Variants in KLHL1 observed in about 807,000 individuals in gnomAD.
KLHL1 encodes kelch like family member 1.
KLHL1 carries 47 observed loss-of-function variants against 77.7 expected under a neutral mutation model. The ratio of observed to expected loss-of-function variants is 0.60; its 90% CI spans 0.48 to 0.77. The LOEUF (loss-of-function observed/expected upper bound fraction) is 0.77, where lower values mean the gene tolerates loss of function less well. Ranked by LOEUF, KLHL1 falls within the 30% of genes least tolerant of loss-of-function variation. The pLI, the probability that KLHL1 is intolerant of heterozygous loss-of-function variation, is 0.00. For missense variants in KLHL1, 925 were observed against 910.8 expected, an observed-to-expected ratio of 1.02 and a Z score of -0.20; for synonymous variants, 360 against 325.2, an observed-to-expected ratio of 1.11 and a Z score of -1.15.
chr13:69,700,816 A>T lies in KLHL1; in HGVS notation c.*886T>A, dbSNP rs1212439559. The T allele has an allele frequency of 1.3e-5, 2 of 152,332 alleles. No homozygotes were observed. The highest frequency in any genetic ancestry group is 1.5e-5 in the Non-Finnish European group (1 of 67,854). The allele number at this position is 152,332 out of a possible 1,614,324, so 9.4% of individuals were successfully genotyped here. Reference sequence around the variant, plus strand: ...TAAACACTCCAACTTAATGGATCATATGTTTTTCTTTTGAAATTCTAAGTT... The same window carrying T: ...TAAACACTCCAACTTAATGGATCATTTGTTTTTCTTTTGAAATTCTAAGTT... On this transcript the variant is annotated 3_prime_UTR_variant, in exon 11 of 11. Transcript: ENST00000377844.
At chr13:69,703,664 G>T (rs1875500333) in intron 10 of KLHL1, among the ~76,000 whole-genome samples, 3 of 151,404 alleles carry the variant, frequency 2.0e-5, no homozygotes, top group Non-Finnish European at 4.4e-5. Flanking sequence ...AAATAAAAGA[G>T]GTGTGTACCA....
At chr13:69,788,431 T>C (rs1157948076) in intron 7 of KLHL1, among the ~76,000 whole-genome samples, 7 of 152,042 alleles carry the variant, frequency 4.6e-5, no homozygotes, top group African/African-American at 1.2e-4. Context: ...AAACACCACA[T>C]GTTCTCACTC....
At chr13:70,093,399 G>A (rs552150369) in intron 1 of KLHL1, among the ~76,000 whole-genome samples, 1 of 152,192 alleles carries the variant, frequency 6.6e-6, no homozygotes, top group South Asian at 2.1e-4. Flanking sequence ...AAGACTCTTA[G>A]TTAGAGATAG....
chr13:69,950,134 G>T (rs1189630468), intron 3 of KLHL1, among the ~76,000 whole-genome samples: 1 of 151,642 alleles, frequency 6.6e-6, no homozygotes, highest in African/African-American at 2.4e-5. Flanking sequence ...AAGAGAAACT[G>T]TTAGAAAAGT....
At chr13:69,773,012 G>A (rs1875649272) in intron 7 of KLHL1, among the ~76,000 whole-genome samples, 1 of 151,890 alleles carries the variant, frequency 6.6e-6, no homozygotes, top group African/African-American at 2.4e-5. Flanking sequence ...GAGTGAGAAA[G>A]CATTTGATGT....
intron 3 of KLHL1, among the ~76,000 whole-genome samples, chr13:69,961,090 A>T (rs1400746015): frequency 1.3e-5 from 2 of 152,020 alleles, no homozygotes; most frequent in African/African-American, 2.4e-5. Flanking sequence ...TATTTAAGCC[A>T]GTTTAAATCA....
chr13:69,954,745 T>C (rs934090545), intron 3 of KLHL1, among the ~76,000 whole-genome samples: 1 of 151,238 alleles, frequency 6.6e-6, no homozygotes, highest in African/African-American at 2.4e-5. Flanking sequence ...TTTTATTGTC[T>C]ATTTTGGCAC....
At chr13:70,079,753 T>C (rs1887350321) in intron 1 of KLHL1, among the ~76,000 whole-genome samples, 1 of 152,214 alleles carries the variant, frequency 6.6e-6, no homozygotes, top group Admixed American at 6.5e-5. Context: ...TTCTCTTTCA[T>C]GAATGAGGAA....
Position 69,869,527 on chromosome 13 carries a change from T to C in KLHL1, c.1227+12756A>G, listed in dbSNP as rs1386396634. On this transcript the variant is annotated intron_variant, in intron 5 of 10. Transcript: ENST00000377844. ...TAGCAGTGTAGTTTTACTTTTTGAA[T>C]ATTATTAAAGTAAAAACTTTTATTT... is the stretch of plus-strand genomic sequence containing the variant. 4.6e-5 allele frequency among the ~76,000 whole-genome samples: 7 copies of C among 152,272 alleles called. No individual in the cohort carries two copies. The East Asian group carries it at 1.3e-3, about 29-fold the overall frequency.
chr13:69,930,757 T>G (rs542174301), intron 4 of KLHL1, among the ~76,000 whole-genome samples: 3 of 151,888 alleles, frequency 2.0e-5, no homozygotes, highest in East Asian at 3.9e-4. Flanking sequence ...CTGTGGAAAG[T>G]GTGGATTTTT....
chr13:69,797,700 G>A (rs948474609), intron 6 of KLHL1, among the ~76,000 whole-genome samples: 1 of 151,448 alleles, frequency 6.6e-6, no homozygotes, highest in African/African-American at 2.4e-5. Flanking sequence ...ATGGTGGCAG[G>A]TGCCTGTAGT....
chr13:69,902,487 A>C (rs1881901107), intron 4 of KLHL1, among the ~76,000 whole-genome samples: 1 of 152,170 alleles, frequency 6.6e-6, no homozygotes, highest in Admixed American at 6.5e-5. Flanking sequence ...GTGAAGAATT[A>C]AAATAATTTT....
chr13:69,766,704 C>A (rs771571791), intron 7 of KLHL1, among the ~76,000 whole-genome samples: 1 of 152,040 alleles, frequency 6.6e-6, no homozygotes, highest in Non-Finnish European at 1.5e-5. Context: ...ACAAGTCTAT[C>A]TTTAGGCTAC....
intron 5 of KLHL1, among the ~76,000 whole-genome samples, chr13:69,879,167 C>A (rs1020371720): frequency 2.6e-5 from 4 of 152,078 alleles, no homozygotes; most frequent in African/African-American, 9.7e-5. Context: ...AACAAACCTG[C>A]ACGTTGTGCA....
chr13:70,023,538 G>A (rs1007005230), intron 1 of KLHL1, among the ~76,000 whole-genome samples: 27 of 151,806 alleles, frequency 1.8e-4, no homozygotes, highest in African/African-American at 6.5e-4. Context: ...ATTTTATTAT[G>A]TTGTTATTTT....
intron 3 of KLHL1, among the ~76,000 whole-genome samples, chr13:69,947,411 G>A (rs1025880588): frequency 4.6e-5 from 7 of 151,818 alleles, no homozygotes; most frequent in Non-Finnish European, 2.9e-5. Flanking sequence ...AGATCCAGAG[G>A]CAGTATGTCA....
intron 7 of KLHL1, among the ~76,000 whole-genome samples, chr13:69,780,442 A>G (rs1368863566): frequency 1.3e-5 from 2 of 151,962 alleles, no homozygotes; most frequent in Non-Finnish European, 2.9e-5. Context: ...AAGAGGGCAC[A>G]CACATATGAT....
At chr13:69,965,598 T>TC (rs1167477314) in intron 2 of KLHL1, among the ~76,000 whole-genome samples, 1 of 152,086 alleles carries the variant, frequency 6.6e-6, no homozygotes, top group African/African-American at 2.4e-5. Flanking sequence ...TCACTTTAAA[T>TC]CAAAAGCTAG....
intron 7 of KLHL1, among the ~76,000 whole-genome samples, chr13:69,789,617 C>A (rs1427289655): frequency 6.6e-6 from 1 of 151,942 alleles, no homozygotes; most frequent in East Asian, 1.9e-4. Flanking sequence ...AACAAATGAC[C>A]ATTTTTTTTC....
Sources: gnomAD v4.1 joint callset for allele counts (sites outside exome capture counted in the v4.1 genomes callset) on GRCh38, gnomAD v4.1.1 for gene constraint, MANE v1.5 for transcripts, NCBI Gene and HGNC (gene_info 2026-07-23, HGNC 2026-07-21) for gene names.